Variants in ST6GALNAC3 observed in about 807,000 individuals in gnomAD.
ST6GALNAC3 encodes the protein alpha-N-acetylgalactosaminide alpha-2,6-sialyltransferase 3.
In ST6GALNAC3, 25 loss-of-function variants were observed where a neutral mutation model predicts 32.7. The observed-to-expected ratio is 0.76, with a 90% CI of 0.56 to 1.07. The LOEUF is 1.07. Ranked by LOEUF, ST6GALNAC3 falls within the 50% of genes least tolerant of loss-of-function variation. The pLI is 0.00. For missense variants in ST6GALNAC3, 355 were observed against 382.4 expected, an observed-to-expected ratio of 0.93 and a Z score of 0.60; for synonymous variants, 129 against 133.1, an observed-to-expected ratio of 0.97 and a Z score of 0.21.
intron 3 of ST6GALNAC3, among the ~76,000 whole-genome samples, chr1:76,449,608 T>A (rs1341795365): frequency 6.6e-6 from 1 of 152,250 alleles, no homozygotes; most frequent in Non-Finnish European, 1.5e-5. Flanking sequence ...GCAATTTTGT[T>A]AGGTATGCCA....
chr1:76,079,332 T>G (rs1359054510), intron 1 of ST6GALNAC3, among the ~76,000 whole-genome samples: 1 of 152,244 alleles, frequency 6.6e-6, no homozygotes, highest in Non-Finnish European at 1.5e-5. Context: ...AAATTATAGA[T>G]ACTTTAAAAT....
chr1:76,522,485 T>C (rs928791722), intron 3 of ST6GALNAC3, among the ~76,000 whole-genome samples: 2 of 152,212 alleles, frequency 1.3e-5, no homozygotes, highest in African/African-American at 4.8e-5. Context: ...TCTTTCTGTG[T>C]TTCCACTTGG....
At chr1:76,593,631 T>C (rs560543972) in intron 3 of ST6GALNAC3, among the ~76,000 whole-genome samples, 2 of 152,228 alleles carry the variant, frequency 1.3e-5, no homozygotes, top group Non-Finnish European at 2.9e-5. Flanking sequence ...ATCAAGAGTG[T>C]TAGAATTGCT....
At chr1:76,223,532 C>T (rs1655898840) in intron 1 of ST6GALNAC3, among the ~76,000 whole-genome samples, 3 of 152,036 alleles carry the variant, frequency 2.0e-5, no homozygotes, top group South Asian at 2.1e-4. Context: ...ATATACCAAA[C>T]CTGCACATGT....
At chr1:76,474,226 T>A (rs1659210407) in intron 3 of ST6GALNAC3, among the ~76,000 whole-genome samples, 1 of 152,170 alleles carries the variant, frequency 6.6e-6, no homozygotes, top group South Asian at 2.1e-4. Context: ...TTTTGAGAGC[T>A]TTATTATGCT....
chr1:76,535,590 T>G (rs978357111), intron 3 of ST6GALNAC3, among the ~76,000 whole-genome samples: 6 of 152,188 alleles, frequency 3.9e-5, no homozygotes, highest in Non-Finnish European at 8.8e-5. Flanking sequence ...AAAAAATGAC[T>G]ATTTCTACTA....
chr1:76,194,410 A>C (rs1654078764), intron 1 of ST6GALNAC3, among the ~76,000 whole-genome samples: 1 of 152,136 alleles, frequency 6.6e-6, no homozygotes. Flanking sequence ...TGTTTATGTA[A>C]GTTGTATCTG....
intron 3 of ST6GALNAC3, among the ~76,000 whole-genome samples, chr1:76,459,022 C>G (rs1027139949): frequency 3.3e-5 from 5 of 151,914 alleles, no homozygotes. Context: ...ATCATGGAGC[C>G]AAACTGACAA....
intron 3 of ST6GALNAC3, among the ~76,000 whole-genome samples, chr1:76,433,828 C>A (rs1002052591): frequency 6.6e-6 from 1 of 152,060 alleles, no homozygotes; most frequent in Admixed American, 6.5e-5. Flanking sequence ...AAATCTAGTA[C>A]CCTTTGTTCA....
intron 1 of ST6GALNAC3, among the ~76,000 whole-genome samples, chr1:76,187,073 A>G (rs1369734331): frequency 1.3e-5 from 2 of 152,150 alleles, no homozygotes; most frequent in African/African-American, 4.8e-5. Flanking sequence ...TGTTACTGTG[A>G]AAGTTTTAGT....
chr1:76,416,582 G>A (rs190138890), intron 3 of ST6GALNAC3, among the ~76,000 whole-genome samples: 111 of 146,782 alleles, frequency 7.6e-4, no homozygotes, highest in Non-Finnish European at 1.4e-3. Flanking sequence ...TAGCCCTTCC[G>A]TTTAAGGTAG....
chr1:76,357,130 C>CTTTTTTTTTTTTTTTTTTTTTCTT (rs55786044), intron 2 of ST6GALNAC3, among the ~76,000 whole-genome samples: 1 of 111,176 alleles, frequency 9.0e-6, no homozygotes, highest in Non-Finnish European at 1.7e-5. Flanking sequence ...TTTTCTTTTT[C>CTTTTTTTTTTTTTTTTTTTTTCTT]TTTTTTTTTT....
chr1:76,560,828 G>A (rs563257065), intron 3 of ST6GALNAC3, among the ~76,000 whole-genome samples: 27 of 152,254 alleles, frequency 1.8e-4, no homozygotes, highest in Admixed American at 1.3e-3. Flanking sequence ...CAATCCCACC[G>A]CTGGGTATAT....
At chr1:76,518,630 G>A (rs982716375) in intron 3 of ST6GALNAC3, among the ~76,000 whole-genome samples, 1 of 151,954 alleles carries the variant, frequency 6.6e-6, no homozygotes, top group Non-Finnish European at 1.5e-5. Flanking sequence ...TTCTGAATTA[G>A]ATTCTCAGTA....
chr1:76,460,751 A>G (rs1658225727), intron 3 of ST6GALNAC3, among the ~76,000 whole-genome samples: 1 of 152,194 alleles, frequency 6.6e-6, no homozygotes, highest in Non-Finnish European at 1.5e-5. Context: ...CATTTATTTG[A>G]TTTAATACAT....
intron 2 of ST6GALNAC3, among the ~76,000 whole-genome samples, chr1:76,322,741 C>T (rs1646992503): frequency 6.6e-6 from 1 of 152,002 alleles, no homozygotes; most frequent in South Asian, 2.1e-4. Context: ...ATGTTATCCA[C>T]CACTGCCCCC....
In ST6GALNAC3 at chr1:76,631,836, A is replaced by G. The variant is rs560744960; in HGVS notation, c.*3030A>G. On this transcript the variant is annotated 3_prime_UTR_variant, in exon 5 of 5. Coordinates refer to ENST00000328299, the MANE Select transcript of ST6GALNAC3 (RefSeq NM_152996.4). ...TTTTCTGTTATGCATAATTCTATGAAAAAGCAAGGTAATTTAAAAAGAGTT... is the reference window on the plus strand; with the variant it reads ...TTTTCTGTTATGCATAATTCTATGAGAAAGCAAGGTAATTTAAAAAGAGTT... The G allele has an allele frequency of 1.9e-4, 29 of 152,222 alleles. No homozygotes were observed. The highest frequency in any genetic ancestry group is 6.7e-4 in the African/African-American group (28 of 41,548). 9.4% of individuals were successfully genotyped at this position (152,222 alleles called of 1,614,324 possible). A position where few individuals can be genotyped will look rare whatever the true frequency, so the allele number is the denominator to read the frequency against.
At chr1:76,309,705 G>T (rs532311408) in intron 1 of ST6GALNAC3, among the ~76,000 whole-genome samples, 13 of 152,154 alleles carry the variant, frequency 8.5e-5, no homozygotes, top group African/African-American at 2.9e-4. Context: ...AATCAAACCC[G>T]GGCAATGTAA....
intron 3 of ST6GALNAC3, among the ~76,000 whole-genome samples, chr1:76,479,970 A>G (rs1659618307): frequency 6.6e-6 from 1 of 152,224 alleles, no homozygotes; most frequent in Admixed American, 6.5e-5. Context: ...TTTTAAATAC[A>G]ATGTACTGAC....
Sources: allele counts gnomAD v4.1 joint callset (sites outside exome capture counted in the v4.1 genomes callset), GRCh38; gene constraint gnomAD v4.1.1; transcripts MANE v1.5; gene names NCBI Gene and HGNC (gene_info 2026-07-23, HGNC 2026-07-21).